Variants in ADGRV1 observed in about 807,000 individuals in gnomAD.
ADGRV1 encodes the protein G-protein coupled receptor 98.
Under a neutral mutation model 596.2 loss-of-function variants are expected in ADGRV1, and 359 were observed. The ratio of observed to expected loss-of-function variants is 0.60; its 90% CI spans 0.55 to 0.66. The LOEUF (loss-of-function observed/expected upper bound fraction) is 0.66, where lower values mean the gene tolerates loss of function less well. Among genes scored for constraint, ADGRV1 ranks in the 30% least tolerant of loss-of-function variants. ADGRV1 has a pLI of 0.00. For synonymous variants in ADGRV1, 2,681 were observed against 2,679.2 expected (o/e 1.00, Z -0.02); for missense variants, 7,274 against 7,575.6 (o/e 0.96, Z 1.48).
At chr5:91,151,288 A>G (rs1263208661) in intron 88 of ADGRV1, among the ~76,000 whole-genome samples, 5 of 152,200 alleles carry the variant, frequency 3.3e-5, no homozygotes, top group African/African-American at 1.2e-4. Context: ...AGTACTATAT[A>G]TATTTTTAGT....
chr5:90,753,785 G>C lies in ADGRV1; in HGVS notation c.11333G>C (p.Gly3778Ala). Residue 3778 changes from glycine to alanine, a missense_variant, in exon 54 of 90, where the codon GGC (glycine) becomes GCC (alanine). Physicochemically the swap from Gly to Ala is moderately conservative, Grantham distance 60. Coordinates refer to ENST00000405460, the MANE Select transcript of ADGRV1 (RefSeq NM_032119.4). ...LPNDSPFGLV[G>A]WRAASVFIRV... is the part of the protein sequence containing the mutation. ...AATGACTCACCTTTTGGCTTGGTGG[G>C]CTGGCGTGCTGCGTCTGTCTTCATT... is the stretch of plus-strand genomic sequence containing the variant. 5 of 1,612,116 alleles carry C rather than the reference G, an allele frequency of 3.1e-6. No homozygotes were observed. The highest frequency in any genetic ancestry group is 2.5e-6 in the Non-Finnish European group (3 of 1,178,836).
intron 83 of ADGRV1, among the ~76,000 whole-genome samples, chr5:90,926,589 T>G (rs2150771141): frequency 6.6e-6 from 1 of 152,094 alleles, no homozygotes; most frequent in Admixed American, 6.5e-5. Flanking sequence ...AACCAGCTCC[T>G]GGATTCATTA....
intron 74 of ADGRV1, among the ~76,000 whole-genome samples, chr5:90,811,811 C>T (rs746647251): frequency 1.3e-5 from 2 of 151,432 alleles, no homozygotes; most frequent in Non-Finnish European, 2.9e-5. Context: ...ATATAGCCAT[C>T]ATACTATTGT....
At chr5:91,105,953 T>G (rs1273949365) in intron 87 of ADGRV1, among the ~76,000 whole-genome samples, 1 of 150,898 alleles carries the variant, frequency 6.6e-6, no homozygotes, top group Non-Finnish European at 1.5e-5. Flanking sequence ...AACCTTTTAT[T>G]TATATTTAAT....
intron 84 of ADGRV1, among the ~76,000 whole-genome samples, chr5:90,973,422 T>C (rs1779244363): frequency 6.6e-6 from 1 of 152,058 alleles, no homozygotes. Context: ...TAGACCAATA[T>C]CCCTGATGAA....
At chr5:90,913,155 A>G (rs56851353) in intron 83 of ADGRV1, among the ~76,000 whole-genome samples, 22,826 of 152,020 alleles carry the variant, frequency 0.15, 2,396 homozygotes, top group East Asian at 0.48. Flanking sequence ...TGAGCATTAT[A>G]GACTGTGGAA....
rs530552236 is a variant in ADGRV1, at chr5:90,745,932, C to T, written c.10974+137C>T. 4.9e-5 allele frequency: 29 copies of T among 596,392 alleles called. 1 individual carries two copies. In the South Asian group the frequency reaches 6.5e-4, roughly 13 times the overall value. 36.9% of individuals were successfully genotyped at this position (596,392 alleles called of 1,614,324 possible). A position where few individuals can be genotyped will look rare whatever the true frequency, so the allele number is the denominator to read the frequency against. On this transcript the variant is annotated intron_variant, in intron 52 of 89. Coordinates refer to ENST00000405460, the MANE Select transcript of ADGRV1 (RefSeq NM_032119.4). ...TCTCCCTTCCCTTTCCCCTGCCTCC[C>T]TTTTATGTGCATTCTAGGGTGAATT... is the stretch of plus-strand genomic sequence containing the variant.
At chr5:91,038,349 C>T (rs1340526288) in intron 85 of ADGRV1, among the ~76,000 whole-genome samples, 10 of 152,156 alleles carry the variant, frequency 6.6e-5, no homozygotes, top group Admixed American at 4.6e-4. Flanking sequence ...ATTATATTAG[C>T]ATTTTAAAAT....
At chr5:90,570,704 C>T (rs1756408800) in intron 1 of ADGRV1, among the ~76,000 whole-genome samples, 1 of 151,246 alleles carries the variant, frequency 6.6e-6, no homozygotes, top group Non-Finnish European at 1.5e-5. Context: ...CTTAAATCAG[C>T]TGTTGAGCCC....
intron 58 of ADGRV1, among the ~76,000 whole-genome samples, chr5:90,760,320 T>C (rs1443714381): frequency 6.6e-6 from 1 of 151,274 alleles, no homozygotes; most frequent in East Asian, 1.9e-4. Context: ...TTACCCTTCA[T>C]GTATGAGTCT....
chr5:90,607,634 G>A (rs759964388), intron 1 of ADGRV1, among the ~76,000 whole-genome samples: 5 of 152,096 alleles, frequency 3.3e-5, no homozygotes, highest in Non-Finnish European at 5.9e-5. Context: ...TGGGGAAACT[G>A]ATCAATGTAA....
intron 9 of ADGRV1, 132 bp from the exon 10 acceptor site, chr5:90,634,982 G>A: frequency 1.7e-6 from 1 of 592,348 alleles, no homozygotes; most frequent in Non-Finnish European, 3.0e-6. Context: ...AATGAGAGAG[G>A]AGGAGAATAA....
At chr5:90,972,418 C>T (rs528841375) in intron 84 of ADGRV1, among the ~76,000 whole-genome samples, 85 of 152,302 alleles carry the variant, frequency 5.6e-4, no homozygotes, top group African/African-American at 1.8e-3. Flanking sequence ...AGCACCACAT[C>T]GCACTTATTC....
In ADGRV1 at chr5:90,911,239, T is replaced by C. The variant is rs911467276; in HGVS notation, c.17856+47382T>C. Among the ~76,000 whole-genome samples the C allele has an allele frequency of 4.6e-5, 7 of 152,186 alleles. No homozygotes were observed. The South Asian group carries it at 1.0e-3, about 22-fold the overall frequency. On this transcript the variant is annotated intron_variant, in intron 83 of 89. Coordinates refer to ENST00000405460, the MANE Select transcript of ADGRV1 (RefSeq NM_032119.4). Reference sequence around the variant, plus strand: ...CTTCAGGAAAAGGGGGTAGACAGCATAATGAGAATTCTATTTTTAACTTAG... The same window carrying C: ...CTTCAGGAAAAGGGGGTAGACAGCACAATGAGAATTCTATTTTTAACTTAG...
intron 83 of ADGRV1, among the ~76,000 whole-genome samples, chr5:90,943,218 A>C (rs1337296246): frequency 7.9e-6 from 1 of 126,286 alleles, no homozygotes; most frequent in East Asian, 2.8e-4. Context: ...AATTGCTCAG[A>C]AAATTGAACA....
At chr5:91,046,323 T>C (rs1785804998) in intron 85 of ADGRV1, among the ~76,000 whole-genome samples, 1 of 152,124 alleles carries the variant, frequency 6.6e-6, no homozygotes, top group African/African-American at 2.4e-5. Context: ...AATAGGCACA[T>C]AGACCAATGG....
chr5:90,713,679 A>G (rs534076122), intron 42 of ADGRV1, among the ~76,000 whole-genome samples: 8 of 152,238 alleles, frequency 5.3e-5, no homozygotes, highest in Admixed American at 5.2e-4. Context: ...AATGTTATTC[A>G]TTGTCATAAG....
intron 50 of ADGRV1, among the ~76,000 whole-genome samples, chr5:90,733,240 G>A (rs1006744183): frequency 6.6e-6 from 1 of 152,200 alleles, no homozygotes; most frequent in Non-Finnish European, 1.5e-5. Flanking sequence ...TGGCAACTGG[G>A]AGGAGAATGG....
At chr5:90,816,903 C>T (rs374381529) in intron 75 of ADGRV1, among the ~76,000 whole-genome samples, 4 of 151,768 alleles carry the variant, frequency 2.6e-5, no homozygotes, top group Admixed American at 6.6e-5. Context: ...GCAGCATGAT[C>T]TATAGTCCTT....
Sources: gnomAD v4.1 joint callset for allele counts (sites outside exome capture counted in the v4.1 genomes callset) on GRCh38, gnomAD v4.1.1 for gene constraint, MANE v1.5 for transcripts, NCBI Gene and HGNC (gene_info 2026-07-23, HGNC 2026-07-21) for gene names.